FHOD3: variants seen among roughly 807,000 people sequenced by gnomAD.
The protein encoded by FHOD3 is FH1/FH2 domain-containing protein 3.
Under a neutral mutation model 173.0 loss-of-function variants are expected in FHOD3, and 90 were observed. The ratio of observed to expected loss-of-function variants is 0.52; its 90% CI spans 0.44 to 0.62. The LOEUF is 0.62. Among genes scored for constraint, FHOD3 ranks in the 20% least tolerant of loss-of-function variants. The pLI, the probability that FHOD3 is intolerant of heterozygous loss-of-function variation, is 0.00. For synonymous variants in FHOD3, 828 were observed against 823.0 expected, an observed-to-expected ratio of 1.01 and a Z score of -0.10; for missense variants, 1,945 against 2,034.7, an observed-to-expected ratio of 0.96 and a Z score of 0.85.
intron 1 of FHOD3, among the ~76,000 whole-genome samples, chr18:36,331,560 T>A (rs184564746): frequency 6.6e-6 from 1 of 152,222 alleles, no homozygotes; most frequent in African/African-American, 2.4e-5. Flanking sequence ...CATTAACCTA[T>A]GCCAGAAGAG....
Position 36,305,571 on chromosome 18 carries a change from G to A in FHOD3, c.165+7571G>A, listed in dbSNP as rs139784220. On this transcript the variant is annotated intron_variant, in intron 1 of 28. Coordinates refer to ENST00000590592, the MANE Select transcript of FHOD3 (RefSeq NM_001281740.3). ...TGCCAGAGCTGTAACCAGAGTGTGT[G>A]GGACAAGCCCAAGATTTTTTTAAGT... 9.8e-5 allele frequency among the ~76,000 whole-genome samples: 15 copies of A among 152,320 alleles called. No homozygotes were observed. In the East Asian group the frequency reaches 2.9e-3, roughly 29 times the overall value.
intron 3 of FHOD3, among the ~76,000 whole-genome samples, chr18:36,388,147 A>T (rs1419201596): frequency 1.1e-4 from 16 of 151,988 alleles, no homozygotes; most frequent in Admixed American, 9.8e-4. Flanking sequence ...TCTCCAAGGT[A>T]TTTGCTCATA....
intron 3 of FHOD3, among the ~76,000 whole-genome samples, chr18:36,494,330 C>G (rs2054624147): frequency 6.6e-6 from 1 of 152,122 alleles, no homozygotes; most frequent in African/African-American, 2.4e-5. Flanking sequence ...ATGATTGCAA[C>G]TATTAAAGGG....
chr18:36,447,997 T>C (rs532632013), intron 3 of FHOD3, among the ~76,000 whole-genome samples: 1 of 152,198 alleles, frequency 6.6e-6, no homozygotes, highest in Admixed American at 6.5e-5. Context: ...CTTTGGACTT[T>C]TGAACAATGT....
chr18:36,383,701 GTGTATC>G (rs2047897939), intron 3 of FHOD3, among the ~76,000 whole-genome samples: 1 of 152,210 alleles, frequency 6.6e-6, no homozygotes, highest in Non-Finnish European at 1.5e-5. Flanking sequence ...CACTCGACAA[GTGTATC>G]TCCTTTAATC....
intron 6 of FHOD3, among the ~76,000 whole-genome samples, chr18:36,591,364 G>C (rs1227926566): frequency 2.0e-5 from 3 of 152,150 alleles, no homozygotes; most frequent in African/African-American, 7.2e-5. Context: ...CAATGGTTGG[G>C]GCGGAGGCGG....
chr18:36,757,804 GT>G (rs1315885371), intron 25 of FHOD3, among the ~76,000 whole-genome samples: 1 of 152,130 alleles, frequency 6.6e-6, no homozygotes, highest in Non-Finnish European at 1.5e-5. Flanking sequence ...TCCTCATCCT[GT>G]GTACAAAGTT....
chr18:36,358,795 C>T (rs765363152), intron 2 of FHOD3, among the ~76,000 whole-genome samples: 2 of 152,042 alleles, frequency 1.3e-5, no homozygotes, highest in East Asian at 1.9e-4. Flanking sequence ...CCTGCTCTGG[C>T]TAATTTTTGT....
At chr18:36,355,806 C>T (rs1291733913) in intron 2 of FHOD3, among the ~76,000 whole-genome samples, 161 bp downstream of exon 2, 3 of 152,232 alleles carry the variant, frequency 2.0e-5, no homozygotes, top group Admixed American at 6.5e-5. Flanking sequence ...GTGGTGACTG[C>T]AGACCCGTTT....
chr18:36,756,323 T>C (rs1291603469), intron 25 of FHOD3, among the ~76,000 whole-genome samples: 2 of 152,154 alleles, frequency 1.3e-5, no homozygotes, highest in African/African-American at 4.8e-5. Context: ...CTCTAGAGTG[T>C]GATTTTTTTT....
At chr18:36,468,566 C>A (rs2145030301) in intron 3 of FHOD3, among the ~76,000 whole-genome samples, 2 of 152,254 alleles carry the variant, frequency 1.3e-5, no homozygotes, top group Admixed American at 1.3e-4. Flanking sequence ...AAGGTGAGTG[C>A]CAGCCTGAGC....
chr18:36,760,480 G>C, intron 26 of FHOD3, 128 bp from the exon 27 acceptor site: 2 of 818,036 alleles, frequency 2.4e-6, no homozygotes, highest in Non-Finnish European at 1.8e-6. Flanking sequence ...AGTGACTGCC[G>C]TAATGAATGT....
chr18:36,743,993 C>T, intron 22 of FHOD3, 39 bp from the exon 23 acceptor site: 1 of 1,611,514 alleles, frequency 6.2e-7, no homozygotes, highest in Non-Finnish European at 8.5e-7. Flanking sequence ...CTCTAAGAGC[C>T]TGCTTGAAAC....
intron 4 of FHOD3, among the ~76,000 whole-genome samples, chr18:36,506,399 G>A (rs1321575026): frequency 6.6e-6 from 1 of 152,208 alleles, no homozygotes; most frequent in Non-Finnish European, 1.5e-5. Flanking sequence ...TGCATGCCTG[G>A]CACAACCCCT....
rs796534808 is a variant in FHOD3 at position 36,354,676 on chromosome 18, G to C, written c.166-863G>C. On this transcript the variant is annotated intron_variant, in intron 1 of 28. Transcript: ENST00000590592. ...ACAAAATTGGCTAGGCATGGTGGTG[G>C]GTGCCTGTAATCCCAGCTACTTGGG... is the stretch of plus-strand genomic sequence containing the variant. Among the ~76,000 whole-genome samples, 8 of 152,024 alleles carry C rather than the reference G, an allele frequency of 5.3e-5. No homozygotes were observed. The South Asian group carries it at 8.3e-4, about 16-fold the overall frequency.
chr18:36,641,056 C>T (rs761565846), intron 10 of FHOD3, among the ~76,000 whole-genome samples: 1 of 152,178 alleles, frequency 6.6e-6, no homozygotes, highest in Non-Finnish European at 1.5e-5. Context: ...AATTGTCAAT[C>T]TTGCCCTTGG....
intron 17 of FHOD3, among the ~76,000 whole-genome samples, chr18:36,696,647 C>T (rs979045374): frequency 2.6e-5 from 4 of 152,214 alleles, no homozygotes; most frequent in African/African-American, 7.2e-5. Flanking sequence ...CCCTAATCCC[C>T]ACCACCAAGT....
intron 5 of FHOD3, among the ~76,000 whole-genome samples, chr18:36,524,490 C>T (rs969174467): frequency 6.6e-6 from 1 of 152,096 alleles, no homozygotes. Context: ...CACAGAAACA[C>T]CAGGGAGTTG....
At chr18:36,414,775 G>T (rs2146956479) in intron 3 of FHOD3, among the ~76,000 whole-genome samples, 1 of 152,296 alleles carries the variant, frequency 6.6e-6, no homozygotes, top group East Asian at 1.9e-4. Flanking sequence ...CTCACAGCCT[G>T]CCAGACAGGT....
Sources: gnomAD v4.1 joint callset for allele counts (sites outside exome capture counted in the v4.1 genomes callset) on GRCh38, gnomAD v4.1.1 for gene constraint, MANE v1.5 for transcripts, NCBI Gene and HGNC (gene_info 2026-07-23, HGNC 2026-07-21) for gene names.